Variants in FHL2 observed in about 807,000 individuals in gnomAD.
The protein encoded by FHL2 is four and a half LIM domains 2.
Under a neutral mutation model 32.7 loss-of-function variants are expected in FHL2, and 20 were observed. The observed-to-expected ratio is 0.61, with a 90% CI of 0.43 to 0.89. FHL2 has a LOEUF of 0.89. FHL2 is among the 40% of genes least tolerant of loss of function. The pLI, the probability that FHL2 is intolerant of heterozygous loss-of-function variation, is 0.00. For missense variants in FHL2, 311 were observed against 358.6 expected, an observed-to-expected ratio of 0.87 and a Z score of 1.07; for synonymous variants, 123 against 128.1, an observed-to-expected ratio of 0.96 and a Z score of 0.27.
At chr2:105,407,452 A>G (rs1195849644) in intron 1 of FHL2, among the ~76,000 whole-genome samples, 5 of 152,054 alleles carry the variant, frequency 3.3e-5, no homozygotes, top group Non-Finnish European at 5.9e-5. Flanking sequence ...AGGCTGCTAT[A>G]TAATGGCTCT....
At chr2:105,433,179 CTTCTTT>C (rs1217256045) in intron 1 of FHL2, among the ~76,000 whole-genome samples, 3 of 137,778 alleles carry the variant, frequency 2.2e-5, no homozygotes, top group African/African-American at 8.9e-5. Flanking sequence ...TCTTCTTCTT[CTTCTTT>C]TTTTTTTTTT....
intron 1 of FHL2, among the ~76,000 whole-genome samples, chr2:105,430,614 G>A (rs1440020268): frequency 1.3e-5 from 2 of 152,236 alleles, no homozygotes; most frequent in Non-Finnish European, 2.9e-5. Context: ...GTTGAAGTGA[G>A]CTGAGATCGC....
chr2:105,357,769 A>G (rs1272448690), downstream of FHL2: 1 of 151,982 alleles, frequency 6.6e-6, no homozygotes, highest in Non-Finnish European at 1.5e-5. Context: ...TGAGGAATCC[A>G]TGGATATGGA....
rs1038242040 is a variant in FHL2 at position 105,366,787 on chromosome 2, C to G, written c.501+783G>C. ...TTGAGATGGAGTCTCGCTCAGTCGC[C>G]CAGGCTGGAGTGCAGTGGTGGGATC... On this transcript the variant is annotated intron_variant, in intron 5 of 6. Transcript: ENST00000530340. Among the ~76,000 whole-genome samples the G allele has an allele frequency of 2.0e-5, 3 of 152,236 alleles. No homozygotes were observed. In the East Asian group the frequency reaches 5.8e-4, roughly 29 times the overall value.
intron 3 of FHL2, among the ~76,000 whole-genome samples, chr2:105,383,783 C>T (rs550776857): frequency 3.8e-4 from 58 of 152,272 alleles, no homozygotes; most frequent in African/African-American, 1.2e-3. Flanking sequence ...CCCAACTACC[C>T]GATTATTTTT....
intron 1 of FHL2, among the ~76,000 whole-genome samples, chr2:105,410,563 A>G (rs868545681): frequency 6.6e-6 from 1 of 152,290 alleles, no homozygotes; most frequent in East Asian, 1.9e-4. Context: ...TGCCTTTTGA[A>G]GTCTAAAGTT....
Position 105,361,242 on chromosome 2 carries a change from CTG to C in FHL2, c.*39_*40del. On this transcript the variant is annotated 3_prime_UTR_variant, in exon 7 of 7. Transcript: ENST00000530340. ...TGGGTGAGAAAGAAAACATAAAAATCTGTGTGTGAGATCACAAGCAGCAACTT... is the reference window on the plus strand; with the variant it reads ...TGGGTGAGAAAGAAAACATAAAAATCTGTGTGAGATCACAAGCAGCAACTT... 1.9e-6 allele frequency: 3 copies of C among 1,583,366 alleles called. No individual in the cohort carries two copies. Among genetic ancestry groups the C allele is most frequent in the Middle Eastern group, 3.4e-4 (2 of 5,898 alleles).
chr2:105,428,992 AC>A (rs1277713726), intron 1 of FHL2, among the ~76,000 whole-genome samples: 4 of 152,126 alleles, frequency 2.6e-5, no homozygotes, highest in African/African-American at 9.7e-5. Flanking sequence ...ATTGTTTTAA[AC>A]CTTACCTTCA....
chr2:105,398,973 A>T lies in FHL2; in HGVS notation c.-207T>A, dbSNP rs1320904753. The T allele has an allele frequency of 6.6e-7, 1 of 1,524,340 alleles. No homozygotes were observed. The highest frequency in any genetic ancestry group is 8.8e-7 in the Non-Finnish European group (1 of 1,140,516). 94.4% of individuals were successfully genotyped at this position (1,524,340 alleles called of 1,614,324 possible). A position where few individuals can be genotyped will look rare whatever the true frequency, so the allele number is the denominator to read the frequency against. On this transcript the variant is annotated 5_prime_UTR_variant, in exon 1 of 7. Transcript: ENST00000530340. ...GCAGGGGGTTGGAGGTACTCACGGC[A>T]CCGCAGCGGGCCGGGGACTCCCGGA...
chr2:105,399,212 C>G, upstream of FHL2: 6 of 1,523,216 alleles, frequency 3.9e-6, no homozygotes, highest in Non-Finnish European at 5.3e-6. Context: ...GCGGCGGTCC[C>G]GGCCCGTACC....
At chr2:105,408,414 T>G (rs1430036463) in intron 1 of FHL2, among the ~76,000 whole-genome samples, 1 of 152,208 alleles carries the variant, frequency 6.6e-6, no homozygotes, top group Non-Finnish European at 1.5e-5. Context: ...GATTTGAGCA[T>G]CCACAGCCTG....
upstream of FHL2, among the ~76,000 whole-genome samples, chr2:105,403,565 T>G (rs1349774802): frequency 6.6e-6 from 1 of 152,068 alleles, no homozygotes; most frequent in Non-Finnish European, 1.5e-5. Flanking sequence ...TGTCCCAGAG[T>G]GCAGCAGGAT....
At chr2:105,416,331 A>G (rs1220024517) in intron 1 of FHL2, among the ~76,000 whole-genome samples, 3 of 152,228 alleles carry the variant, frequency 2.0e-5, no homozygotes, top group African/African-American at 7.2e-5. Flanking sequence ...GGAAAGCTCA[A>G]TGCTCATGTC....
intron 3 of FHL2, chr2:105,378,482 G>C: frequency 3.8e-6 from 1 of 265,178 alleles, no homozygotes; most frequent in South Asian, 4.0e-5. Context: ...TTTCCCTTCA[G>C]GCTGGTGTAG....
At chr2:105,386,279 A>T (rs756479275) in intron 3 of FHL2, 82 bp downstream of exon 3, 2 of 1,508,248 alleles carry the variant, frequency 1.3e-6, no homozygotes, top group Admixed American at 3.7e-5. Flanking sequence ...TCAGTGGTGG[A>T]TCAGGGCTTC....
chr2:105,410,034 C>G (rs1683747696), intron 1 of FHL2, among the ~76,000 whole-genome samples: 2 of 152,240 alleles, frequency 1.3e-5, no homozygotes, highest in African/African-American at 4.8e-5. Flanking sequence ...TGTGCACACT[C>G]AGGCAGAGCT....
chr2:105,363,807 A>G (rs1680447079), intron 5 of FHL2, among the ~76,000 whole-genome samples: 1 of 152,170 alleles, frequency 6.6e-6, no homozygotes, highest in Non-Finnish European at 1.5e-5. Context: ...GTCGGGATTC[A>G]ATACAGCATC....
chr2:105,373,447 G>T, intron 4 of FHL2, 112 bp downstream of exon 4: 2 of 1,158,522 alleles, frequency 1.7e-6, no homozygotes, highest in East Asian at 2.4e-5. Flanking sequence ...GGTCAAACTG[G>T]AAAGTCAACA....
At chr2:105,397,018 T>G (rs1683182726) in intron 1 of FHL2, 1 of 226,012 alleles carries the variant, frequency 4.4e-6, no homozygotes. Flanking sequence ...CTGTTTTTTT[T>G]TTTTTTTTTT....
Sources: gnomAD v4.1 joint callset for allele counts (sites outside exome capture counted in the v4.1 genomes callset) on GRCh38, gnomAD v4.1.1 for gene constraint, MANE v1.5 for transcripts, NCBI Gene and HGNC (gene_info 2026-07-23, HGNC 2026-07-21) for gene names.